Variants in PLAC1 observed in about 807,000 individuals in gnomAD.
The protein encoded by PLAC1 is placenta associated 1.
For synonymous variants in PLAC1, 68 were observed against 62.1 expected, an observed-to-expected ratio of 1.09 and a Z score of -0.44; for missense variants, 136 against 163.2, an observed-to-expected ratio of 0.83 and a Z score of 0.91.
intron 2 of PLAC1, among the ~76,000 whole-genome samples, chrX:134,596,721 C>T (rs1001605486): frequency 7.2e-5 from 8 of 110,545 alleles, no homozygotes; most frequent in African/African-American, 2.6e-4. Context: ...TTGAGCCTCT[C>T]GAGTAGCTGG....
chrX:134,705,000 T>TTATATATATATATATATATATATA, intron 2 of PLAC1, among the ~76,000 whole-genome samples: 1 of 81,189 alleles, frequency 1.2e-5, no homozygotes, highest in African/African-American at 5.2e-5. Context: ...CTCAAAAAAA[T>TTATATATATATATATATATATATA]TATATATATA....
intron 2 of PLAC1, among the ~76,000 whole-genome samples, chrX:134,595,842 T>C (rs933898294): frequency 1.8e-5 from 2 of 110,427 alleles, no homozygotes; most frequent in South Asian, 7.7e-4. Flanking sequence ...CTAATTGGTG[T>C]ATTTAGACCT....
chrX:134,699,262 G>A (rs1238153980), intron 2 of PLAC1, among the ~76,000 whole-genome samples: 1 of 111,399 alleles, frequency 9.0e-6, no homozygotes, highest in Non-Finnish European at 1.9e-5. Flanking sequence ...CTTCATGAAT[G>A]GGATTAAATA....
intron 1 of PLAC1, among the ~76,000 whole-genome samples, chrX:134,762,601 G>A (rs1001737217): frequency 2.7e-5 from 3 of 110,095 alleles, no homozygotes; most frequent in Non-Finnish European, 5.7e-5. Context: ...AGGCCGAGGC[G>A]GGTGGATCAC....
chrX:134,722,516 T>C (rs888984840), intron 2 of PLAC1, among the ~76,000 whole-genome samples: 1 of 111,635 alleles, frequency 9.0e-6, no homozygotes, highest in Non-Finnish European at 1.9e-5. Flanking sequence ...TGCCAGGAGT[T>C]GGGGCGAGGA....
rs749381780 is a variant in PLAC1 at position 134,657,804 on chromosome X, T to C, written c.-131+524A>G. Among the ~76,000 whole-genome samples, 7 of 110,744 alleles carry C rather than the reference T, an allele frequency of 6.3e-5. No individual in the cohort carries two copies. The South Asian group carries it at 2.8e-3, about 45-fold the overall frequency. On this transcript the variant is annotated intron_variant, in intron 1 of 2. Transcript: ENST00000359237. ...TTCTCAAAGAGTCTGAAACTGATCATCTGGGTTAATAGGAACACACAGCTA... is the reference window on the plus strand; with the variant it reads ...TTCTCAAAGAGTCTGAAACTGATCACCTGGGTTAATAGGAACACACAGCTA...
intron 1 of PLAC1, among the ~76,000 whole-genome samples, chrX:134,748,287 G>A (rs754178232): frequency 4.8e-5 from 5 of 103,109 alleles, no homozygotes; most frequent in Admixed American, 2.1e-4. Flanking sequence ...CCAAGATCAC[G>A]CCACTGTACT....
chrX:134,668,866 A>G (rs2078445797), intron 2 of PLAC1, among the ~76,000 whole-genome samples: 1 of 112,669 alleles, frequency 8.9e-6, no homozygotes, highest in Non-Finnish European at 1.9e-5. Flanking sequence ...CACCTCCCCC[A>G]GTGAGCAAGT....
chrX:134,718,417 C>T (rs1160080826), intron 2 of PLAC1, among the ~76,000 whole-genome samples: 1 of 112,421 alleles, frequency 8.9e-6, no homozygotes, highest in African/African-American at 3.2e-5. Context: ...TCACCCTGCT[C>T]TCCAGAAGTA....
At chrX:134,750,925 T>A (rs866035527) in intron 1 of PLAC1, among the ~76,000 whole-genome samples, 15 of 19,531 alleles carry the variant, frequency 7.7e-4, no homozygotes, top group South Asian at 3.6e-3. Context: ...ATATATATAT[T>A]TTTATATATA....
intron 1 of PLAC1, among the ~76,000 whole-genome samples, chrX:134,633,135 C>T (rs773526539): frequency 6.5e-4 from 72 of 111,601 alleles, no homozygotes; most frequent in African/African-American, 2.1e-3. Context: ...ATTTCTTCCC[C>T]GTCTTGTCTC....
At chrX:134,754,275 T>C (rs1391198261) in intron 1 of PLAC1, among the ~76,000 whole-genome samples, 1 of 112,139 alleles carries the variant, frequency 8.9e-6, no homozygotes, top group Non-Finnish European at 1.9e-5. Flanking sequence ...TTTATTGTAA[T>C]AACTGCTGCT....
At chrX:134,694,072 T>A (rs1222122695) in intron 2 of PLAC1, among the ~76,000 whole-genome samples, 1 of 111,280 alleles carries the variant, frequency 9.0e-6, no homozygotes. Flanking sequence ...AAATGATTTT[T>A]TTTTCTCATC....
chrX:134,604,263 G>T (rs1429279876), intron 1 of PLAC1, among the ~76,000 whole-genome samples: 2 of 112,742 alleles, frequency 1.8e-5, no homozygotes, highest in African/African-American at 6.4e-5. Context: ...CAATACCATA[G>T]GCATTCCAAA....
chrX:134,692,452 C>A (rs1373285232), intron 2 of PLAC1, among the ~76,000 whole-genome samples: 2 of 111,662 alleles, frequency 1.8e-5, no homozygotes, highest in Non-Finnish European at 3.8e-5. Context: ...CACTAGTTAG[C>A]CCAGCCAGCC....
chrX:134,708,526 T>A (rs1336548310), intron 2 of PLAC1, among the ~76,000 whole-genome samples: 1 of 95,062 alleles, frequency 1.1e-5, no homozygotes, highest in African/African-American at 3.8e-5. Context: ...GATGGAATCA[T>A]TCTGTATCTT....
At chrX:134,601,060 T>TCACACACACACACACACACA (rs373837274) in intron 2 of PLAC1, 1 of 96,296 alleles carries the variant, frequency 1.0e-5, no homozygotes, top group Non-Finnish European at 2.1e-5. Flanking sequence ...TTTTTTTTCT[T>TCACACACACACACACACACA]CACACACACA....
Position 134,566,624 on chromosome X carries a change from C to G in PLAC1, c.59G>C (p.Gly20Ala). The G allele has an allele frequency of 8.3e-7, 1 of 1,208,417 alleles. No individual in the cohort carries two copies. The highest frequency in any genetic ancestry group is 1.1e-6 in the Non-Finnish European group (1 of 892,896). The change falls in exon 3 of 3, where the codon GGT becomes GCT. Residue 20 changes from glycine (G) to alanine (A), a missense_variant. By Grantham distance (60) the Gly-to-Ala change is moderately conservative. Coordinates refer to ENST00000359237, the MANE Select transcript of PLAC1 (RefSeq NM_021796.4). ...MILLTSAFSA[G>A]SGQSPMTVLC... is the part of the protein sequence containing the mutation. The stretch of plus-strand genomic sequence containing the variant: ...CACAGTCATTGGACTTTGTCCTGAA[C>G]CGGCTGAAAACGCAGAGGTGAGGAG...
chrX:134,652,303 C>T (rs761901752), intron 1 of PLAC1, among the ~76,000 whole-genome samples: 1 of 111,963 alleles, frequency 8.9e-6, no homozygotes, highest in African/African-American at 3.2e-5. Context: ...TCTTCTCTGG[C>T]GGCATGGTCA....
Sources: allele counts gnomAD v4.1 joint callset (sites outside exome capture counted in the v4.1 genomes callset), GRCh38; gene constraint gnomAD v4.1.1; transcripts MANE v1.5; gene names NCBI Gene and HGNC (gene_info 2026-07-23, HGNC 2026-07-21).